The following PCSK6 variants were observed in gnomAD, a reference collection of about 807,000 sequenced individuals.
PCSK6 encodes paired basic amino acid cleaving enzyme 4.
Under a neutral mutation model 123.3 loss-of-function variants are expected in PCSK6, and 85 were observed. The observed-to-expected ratio is 0.69, with a 90% CI of 0.58 to 0.83. PCSK6 has a LOEUF of 0.83. Among genes scored for constraint, PCSK6 ranks in the 40% least tolerant of loss-of-function variants. PCSK6 has a pLI of 0.00. For missense variants in PCSK6, 1,191 were observed against 1,282.3 expected (o/e 0.93, Z 1.09); for synonymous variants, 508 against 516.0 (o/e 0.98, Z 0.21).
chr15:101,332,111 G>A, intron 13 of PCSK6, 80 bp from the exon 14 acceptor site: 2 of 1,320,704 alleles, frequency 1.5e-6, no homozygotes, highest in Non-Finnish European at 2.1e-6. Flanking sequence ...GATGCTGCCT[G>A]GCTCCTCCCC....
chr15:101,305,157 G>C lies in PCSK6; in HGVS notation c.*101C>G. On this transcript the variant is annotated 3_prime_UTR_variant, in exon 22 of 22. Transcript: ENST00000611716. This position sits in a 1 kb window ranked among gnomAD's most constrained non-coding sequence, Gnocchi z 4.8. ...TCCTGGGGAGATAAAGCTGTCAGGTGCAGGGCGCCGCTCCTGAAACAGACT... is the reference window on the plus strand; with the variant it reads ...TCCTGGGGAGATAAAGCTGTCAGGTCCAGGGCGCCGCTCCTGAAACAGACT... The C allele has an allele frequency of 1.0e-6, 1 of 962,882 alleles. No homozygotes were observed. The allele number at this position is 962,882 out of a possible 1,614,324, so 59.6% of individuals were successfully genotyped here. A position where few individuals can be genotyped will look rare whatever the true frequency, so the allele number is the denominator to read the frequency against.
At chr15:101,343,429 G>A (rs2040664355) in intron 13 of PCSK6, among the ~76,000 whole-genome samples, 1 of 151,914 alleles carries the variant, frequency 6.6e-6, no homozygotes, top group Non-Finnish European at 1.5e-5. Context: ...TAAGTTGGAT[G>A]CTTAGCACAT....
At chr15:101,481,384 G>C (rs113797749) in intron 1 of PCSK6, among the ~76,000 whole-genome samples, 115 of 151,884 alleles carry the variant, frequency 7.6e-4, no homozygotes, top group African/African-American at 2.8e-3. Context: ...GGGCGAACCT[G>C]GTGACGGGTG....
At chr15:101,355,462 G>T (rs1416654200) in intron 13 of PCSK6, among the ~76,000 whole-genome samples, 1 of 152,242 alleles carries the variant, frequency 6.6e-6, no homozygotes, top group Non-Finnish European at 1.5e-5. Flanking sequence ...GGAGGGCTAG[G>T]CCAACTCAGT....
At chr15:101,420,724 C>T (rs914217427) in intron 6 of PCSK6, among the ~76,000 whole-genome samples, 1 of 152,200 alleles carries the variant, frequency 6.6e-6, no homozygotes, top group African/African-American at 2.4e-5. Flanking sequence ...CACAAATCAT[C>T]AATGTACAGC....
intron 1 of PCSK6, among the ~76,000 whole-genome samples, chr15:101,461,206 TA>T (rs1450496914): frequency 1.3e-5 from 2 of 152,140 alleles, no homozygotes; most frequent in East Asian, 3.8e-4. Flanking sequence ...AGCAGAGGTT[TA>T]AAAACAATAA....
chr15:101,426,450 A>C (rs907538754), intron 6 of PCSK6, among the ~76,000 whole-genome samples: 1 of 152,236 alleles, frequency 6.6e-6, no homozygotes, highest in Admixed American at 6.5e-5. Flanking sequence ...CAAAGGCTCC[A>C]GGGAGAACTT....
chr15:101,450,012 C>CAA (rs1240990689), intron 1 of PCSK6, among the ~76,000 whole-genome samples: 2 of 152,122 alleles, frequency 1.3e-5, no homozygotes, highest in African/African-American at 4.8e-5. Context: ...GCCAGAGCAG[C>CAA]ATCAACAACA....
chr15:101,443,754 G>T, intron 1 of PCSK6, 94 bp from the exon 2 acceptor site: 1 of 865,688 alleles, frequency 1.2e-6, no homozygotes, highest in East Asian at 2.4e-5. Flanking sequence ...TTATCTGAGG[G>T]GCTCATTCTC....
In PCSK6 at chr15:101,307,217, G is replaced by C. The variant is rs376992241; in HGVS notation, c.2808C>G (p.Ser936Arg). Reference protein sequence around the residue: ...GTSCITNHTCSNADETFCEMV... With the variant: ...GTSCITNHTCRNADETFCEMV... ...GGTAACCCAGCTGCTGCTCACCGTT[G>C]CTGCACGTGTGGTTGGTGATGCAGG... Residue 936 changes from serine (S) to arginine (R), a missense_variant, in exon 21 of 22, where the codon AGC becomes AGG. Physicochemically the swap from Ser to Arg is moderately radical, Grantham distance 110. Transcript: ENST00000611716. 1.9e-6 allele frequency: 3 copies of C among 1,611,304 alleles called. No individual in the cohort carries two copies. The African/African-American group carries it at 4.0e-5, about 22-fold the overall frequency.
chr15:101,401,314 G>A (rs2042577482), intron 6 of PCSK6, among the ~76,000 whole-genome samples: 1 of 152,198 alleles, frequency 6.6e-6, no homozygotes, highest in Non-Finnish European at 1.5e-5. Context: ...CCTACTATGA[G>A]CAGTAGGAAT....
chr15:101,400,158 A>G (rs1020525564), intron 6 of PCSK6, among the ~76,000 whole-genome samples: 1 of 152,144 alleles, frequency 6.6e-6, no homozygotes, highest in African/African-American at 2.4e-5. Context: ...CCGAGTAGCT[A>G]GGATCACAGG....
intron 7 of PCSK6, among the ~76,000 whole-genome samples, chr15:101,393,849 G>A (rs1280052688): frequency 2.0e-5 from 3 of 152,242 alleles, no homozygotes; most frequent in Non-Finnish European, 4.4e-5. Flanking sequence ...TTTCTGGGTT[G>A]AAAGAGCTGG....
chr15:101,419,647 GC>G (rs2056012717), intron 6 of PCSK6, among the ~76,000 whole-genome samples: 2 of 151,594 alleles, frequency 1.3e-5, no homozygotes, highest in Non-Finnish European at 2.9e-5. Context: ...GAGAAAATTT[GC>G]CCTATCAGTT....
intron 9 of PCSK6, among the ~76,000 whole-genome samples, chr15:101,388,898 G>A (rs1034797217): frequency 6.6e-6 from 1 of 152,172 alleles, no homozygotes; most frequent in African/African-American, 2.4e-5. Context: ...GCTAGGGCGG[G>A]GGGTCAATGG....
At chr15:101,330,569 G>C (rs142199831) in intron 15 of PCSK6, among the ~76,000 whole-genome samples, 1 of 152,178 alleles carries the variant, frequency 6.6e-6, no homozygotes, top group Non-Finnish European at 1.5e-5. Flanking sequence ...TCTCTGGTCT[G>C]CCCATCCCAC....
chr15:101,463,475 A>G (rs1484236872), intron 1 of PCSK6, among the ~76,000 whole-genome samples: 1 of 152,160 alleles, frequency 6.6e-6, no homozygotes, highest in African/African-American at 2.4e-5. Flanking sequence ...AACTCCGCCC[A>G]TGCCTTGGGA....
chr15:101,357,069 T>C (rs2041065701), intron 13 of PCSK6, among the ~76,000 whole-genome samples: 1 of 152,248 alleles, frequency 6.6e-6, no homozygotes, highest in African/African-American at 2.4e-5. Context: ...GAGCAGTTTT[T>C]TTCTTTTCAT....
At chr15:101,396,213 G>A (rs897781389) in intron 7 of PCSK6, among the ~76,000 whole-genome samples, 1 of 152,088 alleles carries the variant, frequency 6.6e-6, no homozygotes, top group African/African-American at 2.4e-5. Flanking sequence ...GGGAAACCAC[G>A]TGGTCCCCTC....
Sources: gnomAD v4.1 joint callset for allele counts (sites outside exome capture counted in the v4.1 genomes callset) on GRCh38, gnomAD v4.1.1 for gene constraint, Gnocchi (gnomAD v3.1) non-coding constraint, MANE v1.5 for transcripts, NCBI Gene and HGNC (gene_info 2026-07-23, HGNC 2026-07-21) for gene names.